The following ANKRD36C variants were observed in gnomAD, a reference collection of about 807,000 sequenced individuals.
ANKRD36C encodes the protein ankyrin repeat domain-containing protein 36C.
ANKRD36C carries 61 observed loss-of-function variants against 276.4 expected under a neutral mutation model. The ratio of observed to expected loss-of-function variants is 0.22; its 90% CI spans 0.18 to 0.27. The LOEUF (loss-of-function observed/expected upper bound fraction) is 0.27, where lower values mean the gene tolerates loss of function less well. Ranked by LOEUF, ANKRD36C falls within the 10% of genes least tolerant of loss-of-function variation. The pLI is 1.00. For synonymous variants in ANKRD36C, 483 were observed against 680.1 expected, an observed-to-expected ratio of 0.71 and a Z score of 4.51; for missense variants, 1,447 against 2,032.3, an observed-to-expected ratio of 0.71 and a Z score of 5.54.
chr2:95,965,688 G>C (rs374201023), intron 6 of ANKRD36C, among the ~76,000 whole-genome samples: 3 of 152,064 alleles, frequency 2.0e-5, no homozygotes, highest in South Asian at 2.1e-4. Flanking sequence ...AACATGAAGA[G>C]AGCATAATTA....
At chr2:95,957,411 A>C (rs983808387) in intron 12 of ANKRD36C, among the ~76,000 whole-genome samples, 6 of 152,300 alleles carry the variant, frequency 3.9e-5, no homozygotes. Flanking sequence ...AAAGCTCCTC[A>C]GTGGAAGTGT....
intron 2 of ANKRD36C, 42 bp downstream of exon 2, chr2:95,987,050 C>G: frequency 7.2e-7 from 1 of 1,397,902 alleles, no homozygotes; most frequent in Non-Finnish European, 9.6e-7. Flanking sequence ...TGTACTTCAA[C>G]CAAATCCATC....
intron 56 of ANKRD36C, among the ~76,000 whole-genome samples, chr2:95,881,455 T>C (rs927432942): frequency 5.9e-5 from 9 of 151,988 alleles, no homozygotes; most frequent in Non-Finnish European, 1.3e-4. Flanking sequence ...AACATTATTT[T>C]TGTCTGTAAA....
intron 46 of ANKRD36C, among the ~76,000 whole-genome samples, chr2:95,891,104 A>G (rs1267405994): frequency 1.3e-5 from 2 of 151,438 alleles, no homozygotes; most frequent in African/African-American, 4.8e-5. Context: ...TTTGTTATGA[A>G]AATATTCCAA....
At chr2:95,963,814 C>T (rs1364013194) in intron 6 of ANKRD36C, among the ~76,000 whole-genome samples, 1 of 119,770 alleles carries the variant, frequency 8.3e-6, no homozygotes, top group Non-Finnish European at 1.7e-5. Context: ...TCTTTTTCCA[C>T]TTTTGCAAAA....
At chr2:95,893,811 G>T in intron 44 of ANKRD36C, 87 bp from the exon 63 acceptor site, 1 of 1,590,520 alleles carries the variant, frequency 6.3e-7, no homozygotes, top group Non-Finnish European at 8.5e-7. Flanking sequence ...ATCAAACTCT[G>T]TCCTCCTGCC....
intron 52 of ANKRD36C, 77 bp downstream of exon 72, chr2:95,885,971 C>T: frequency 1.3e-6 from 2 of 1,560,180 alleles, no homozygotes; most frequent in South Asian, 2.3e-5. Context: ...TCAATGAACC[C>T]CCCGCTGATT....
Position 95,916,184 on chromosome 2 carries a change from A to C in ANKRD36C, c.2348-13T>G, listed in dbSNP as rs1458335965. On this transcript the variant is annotated splice_polypyrimidine_tract_variant and intron_variant, in intron 36 of 66. Coordinates refer to ENST00000456556, the Ensembl canonical transcript of ANKRD36C. Reference sequence around the variant, plus strand: ...TTCCGAGAAGACACTGAAAAGCAAAAGGGACACGTAATCACTCACTCGTAA... The same window carrying C: ...TTCCGAGAAGACACTGAAAAGCAAACGGGACACGTAATCACTCACTCGTAA... 4.4e-6 allele frequency: 7 copies of C among 1,603,964 alleles called. No homozygotes were observed. The highest frequency in any genetic ancestry group is 5.9e-6 in the Non-Finnish European group (7 of 1,177,764).
intron 6 of ANKRD36C, among the ~76,000 whole-genome samples, chr2:95,965,782 T>C (rs1249811123): frequency 6.6e-6 from 1 of 151,430 alleles, no homozygotes; most frequent in African/African-American, 2.4e-5. Flanking sequence ...ATAGATCTGA[T>C]ATATATATAT....
At chr2:95,960,081 A>T (rs1006069441) in intron 10 of ANKRD36C, among the ~76,000 whole-genome samples, 7 of 152,052 alleles carry the variant, frequency 4.6e-5, no homozygotes, top group Non-Finnish European at 7.4e-5. Context: ...TTTATGGCTT[A>T]TTACGATCAC....
rs184442378 is a variant in ANKRD36C at position 95,988,968 on chromosome 2, G to A, written c.198-1762C>T. ...GGATCACCTGAGGTCAGGAGTTTGAGACCAGCCTGGCCAACATGGTGAAAC... is the reference window on the plus strand; with the variant it reads ...GGATCACCTGAGGTCAGGAGTTTGAAACCAGCCTGGCCAACATGGTGAAAC... On this transcript the variant is annotated intron_variant, in intron 1 of 66. Transcript: ENST00000456556. 3.3e-3 allele frequency among the ~76,000 whole-genome samples: 504 copies of A among 152,292 alleles called. 1 individual carries two copies. The highest frequency in any genetic ancestry group is 0.011 in the African/African-American group (473 of 41,552).
At chr2:95,866,456 T>C (rs1174847648) in intron 60 of ANKRD36C, among the ~76,000 whole-genome samples, 1 of 152,076 alleles carries the variant, frequency 6.6e-6, no homozygotes, top group Non-Finnish European at 1.5e-5. Flanking sequence ...TCAACCTACT[T>C]TTTTATATGC....
intron 1 of ANKRD36C, among the ~76,000 whole-genome samples, chr2:95,988,333 T>G (rs1190780520): frequency 1.3e-5 from 2 of 152,000 alleles, no homozygotes; most frequent in Admixed American, 1.3e-4. Context: ...GAGACTGTCA[T>G]AAGTTTCTGA....
rs1176771174 is a variant in ANKRD36C, at chr2:95,928,692, T to C, written c.1837+380A>G. Among the ~76,000 whole-genome samples the C allele has an allele frequency of 7.3e-5, 11 of 151,526 alleles. No individual in the cohort carries two copies. The South Asian group carries it at 2.1e-3, about 29-fold the overall frequency. ...GTGTTTATGGAGTTATTAGGATCACTTTTCCCTCTGTTTATAACAATATGA... is the reference window on the plus strand; with the variant it reads ...GTGTTTATGGAGTTATTAGGATCACCTTTCCCTCTGTTTATAACAATATGA... On this transcript the variant is annotated intron_variant, in intron 26 of 66. Coordinates refer to ENST00000456556, the Ensembl canonical transcript of ANKRD36C.
chr2:95,850,984 C>G (rs143387674), downstream of ANKRD36C, among the ~76,000 whole-genome samples: 7 of 152,300 alleles, frequency 4.6e-5, no homozygotes, highest in East Asian at 1.4e-3. Context: ...ATTAACAAAG[C>G]ATAAGTATTA....
rs74343816 is a variant in ANKRD36C, at chr2:95,951,461, G to A, written c.1204-53C>T. 4 of 1,234,092 alleles carry A rather than the reference G, an allele frequency of 3.2e-6. No individual in the cohort carries two copies. The South Asian group carries it at 5.8e-5, about 18-fold the overall frequency. The allele number at this position is 1,234,092 out of a possible 1,614,324, so 76.4% of individuals were successfully genotyped here. ...AATAACATGGAGCAAGTTAAAATAAGGATAATACCCACCATTACTACGTGA... is the reference window on the plus strand; with the variant it reads ...AATAACATGGAGCAAGTTAAAATAAAGATAATACCCACCATTACTACGTGA... On this transcript the variant is annotated intron_variant, in intron 14 of 66. Coordinates refer to ENST00000456556, the Ensembl canonical transcript of ANKRD36C.
intron 59 of ANKRD36C, among the ~76,000 whole-genome samples, chr2:95,873,807 G>A (rs1675873506): frequency 6.6e-6 from 1 of 152,212 alleles, no homozygotes; most frequent in Non-Finnish European, 1.5e-5. Context: ...ATCTCCTTAA[G>A]CTGATCAGCA....
intron 18 of ANKRD36C, among the ~76,000 whole-genome samples, 160 bp from the exon 19 acceptor site, chr2:95,944,854 A>G: frequency 6.6e-6 from 1 of 151,872 alleles, no homozygotes; most frequent in African/African-American, 2.4e-5. Flanking sequence ...CCTGGCCAAC[A>G]TGGTGAAACT....
intron 30 of ANKRD36C, 95 bp downstream of exon 30, chr2:95,925,257 T>C (rs943323580): frequency 2.4e-5 from 36 of 1,524,550 alleles, no homozygotes; most frequent in Non-Finnish European, 3.0e-5. Flanking sequence ...AATCAGAAAG[T>C]GCATTTTCAA....
Sources: allele counts gnomAD v4.1 joint callset (sites outside exome capture counted in the v4.1 genomes callset), GRCh38; gene constraint gnomAD v4.1.1; transcripts MANE v1.5; gene names NCBI Gene and HGNC (gene_info 2026-07-23, HGNC 2026-07-21).